Variants in HMGA2 observed in about 807,000 individuals in gnomAD.
HMGA2 encodes the protein high mobility group protein HMGI-C.
Under a neutral mutation model 19.1 loss-of-function variants are expected in HMGA2, and 8 were observed. That is an observed-to-expected ratio of 0.42 (90% CI 0.25 to 0.76). HMGA2 has a LOEUF of 0.76. HMGA2 is among the 30% of genes least tolerant of loss of function. The pLI, the probability that HMGA2 is intolerant of heterozygous loss-of-function variation, is 0.28. For missense variants in HMGA2, 109 were observed against 136.3 expected, an observed-to-expected ratio of 0.80 and a Z score of 1.00; for synonymous variants, 60 against 48.8, an observed-to-expected ratio of 1.23 and a Z score of -0.96.
intron 3 of HMGA2, chr12:65,857,616 C>T (rs79599832): frequency 6.6e-6 from 1 of 152,282 alleles, no homozygotes; most frequent in African/African-American, 2.4e-5. Context: ...TGTGTATAAA[C>T]AGTCTTCCTG....
chr12:65,948,077 A>G (rs981707022), intron 3 of HMGA2, among the ~76,000 whole-genome samples: 4 of 152,118 alleles, frequency 2.6e-5, no homozygotes, highest in Non-Finnish European at 5.9e-5. Flanking sequence ...TTTTGGTTTT[A>G]GAAAAAGATC....
chr12:65,908,656 A>G (rs1474085751), intron 3 of HMGA2, among the ~76,000 whole-genome samples: 3 of 152,146 alleles, frequency 2.0e-5, no homozygotes, highest in Non-Finnish European at 4.4e-5. Context: ...CCTTGAAGGA[A>G]CTTTCATCCT....
rs1372135543 is a variant in HMGA2, at chr12:65,825,687, C to T, written c.111+306C>T. ...CACGGCCCCGAGTGGCGCGGTGTCG[C>T]CCAGTGACTGGAAGCGACCGGGATC... On this transcript the variant is annotated intron_variant, in intron 1 of 4. Coordinates refer to ENST00000403681, the MANE Select transcript of HMGA2 (RefSeq NM_003483.6). The surrounding 1 kb of genome is among the most constrained non-coding windows in gnomAD (Gnocchi z 4.4). 6.6e-6 allele frequency among the ~76,000 whole-genome samples: 1 copy of T among 152,124 alleles called. No individual in the cohort carries two copies. Among genetic ancestry groups the T allele is most frequent in the East Asian group, 1.9e-4 (1 of 5,168 alleles).
chr12:65,962,753 A>AC (rs1876786350), intron 4 of HMGA2, among the ~76,000 whole-genome samples: 1 of 152,204 alleles, frequency 6.6e-6, no homozygotes, highest in South Asian at 2.1e-4. Flanking sequence ...GAATATTAAC[A>AC]GAAGGTGCCT....
At chr12:65,862,744 G>A (rs1872171516) in intron 3 of HMGA2, among the ~76,000 whole-genome samples, 1 of 152,226 alleles carries the variant, frequency 6.6e-6, no homozygotes, top group South Asian at 2.1e-4. Context: ...AGGAGAGGGA[G>A]CTGAGCTGAT....
chr12:65,907,092 T>C (rs963297005), intron 3 of HMGA2, among the ~76,000 whole-genome samples: 2 of 152,086 alleles, frequency 1.3e-5, no homozygotes, highest in East Asian at 1.9e-4. Flanking sequence ...GCATGTGAAC[T>C]GTTAACTTCA....
intron 3 of HMGA2, among the ~76,000 whole-genome samples, chr12:65,885,642 G>A (rs1873625051): frequency 6.6e-6 from 1 of 152,150 alleles, no homozygotes; most frequent in Non-Finnish European, 1.5e-5. Flanking sequence ...TTACTTGGTG[G>A]CAGCAGGATC....
chr12:65,847,395 T>G (rs1259790474), intron 3 of HMGA2, among the ~76,000 whole-genome samples: 1 of 152,220 alleles, frequency 6.6e-6, no homozygotes. Context: ...CTCAATATAA[T>G]TTATGCTTAT....
chr12:65,885,960 C>T (rs1370105092), intron 3 of HMGA2, among the ~76,000 whole-genome samples: 1 of 152,128 alleles, frequency 6.6e-6, no homozygotes, highest in African/African-American at 2.4e-5. Flanking sequence ...ATAAGCCACC[C>T]CCTTGTTTAG....
intron 3 of HMGA2, chr12:65,842,078 G>T: frequency 4.7e-6 from 6 of 1,286,832 alleles, no homozygotes; most frequent in African/African-American, 1.5e-5. Flanking sequence ...GTGTGCGTGT[G>T]TGTGTAGAAG....
At chr12:65,944,048 G>T (rs2121297126) in intron 3 of HMGA2, among the ~76,000 whole-genome samples, 1 of 152,286 alleles carries the variant, frequency 6.6e-6, no homozygotes, top group South Asian at 2.1e-4. Flanking sequence ...AGCTGTAGCT[G>T]AGTCTCATCC....
intron 4 of HMGA2, chr12:65,952,302 A>T: frequency 1.6e-6 from 2 of 1,279,308 alleles, no homozygotes; most frequent in South Asian, 2.6e-5. Context: ...AGTATCCATG[A>T]AATTTTTTTC....
intron 3 of HMGA2, among the ~76,000 whole-genome samples, chr12:65,920,062 C>T (rs1875248123): frequency 6.6e-6 from 1 of 152,170 alleles, no homozygotes; most frequent in Admixed American, 6.5e-5. Context: ...CTGGTAGTCC[C>T]AATATGACTT....
At chr12:65,887,660 T>C (rs1293895788) in intron 3 of HMGA2, among the ~76,000 whole-genome samples, 2 of 152,030 alleles carry the variant, frequency 1.3e-5, no homozygotes, top group Non-Finnish European at 2.9e-5. Context: ...GAGGCAGAGA[T>C]TGCAGTGAGC....
At chr12:65,873,092 T>C (rs755602234) in intron 3 of HMGA2, among the ~76,000 whole-genome samples, 4 of 152,204 alleles carry the variant, frequency 2.6e-5, no homozygotes, top group Non-Finnish European at 5.9e-5. Context: ...ATTATTTCCT[T>C]CCTGTTTGCC....
chr12:65,948,921 G>A (rs988673193), intron 3 of HMGA2, among the ~76,000 whole-genome samples: 1 of 152,282 alleles, frequency 6.6e-6, no homozygotes, highest in African/African-American at 2.4e-5. Context: ...AAAAAGGAGG[G>A]GGATTTCTGA....
chr12:65,864,052 A>G (rs1027379079), intron 3 of HMGA2, among the ~76,000 whole-genome samples: 1 of 152,166 alleles, frequency 6.6e-6, no homozygotes, highest in Non-Finnish European at 1.5e-5. Context: ...ATGTGCAGTA[A>G]ACATTTATGA....
At chr12:65,899,471 T>C (rs1874284560) in intron 3 of HMGA2, among the ~76,000 whole-genome samples, 1 of 152,202 alleles carries the variant, frequency 6.6e-6, no homozygotes, top group South Asian at 2.1e-4. Context: ...ATCTGCCTTG[T>C]GATATGATAA....
intron 2 of HMGA2, among the ~76,000 whole-genome samples, chr12:65,829,691 TTG>T (rs755125909): frequency 6.6e-6 from 1 of 151,998 alleles, no homozygotes; most frequent in Non-Finnish European, 1.5e-5. Flanking sequence ...GGAAAATGAA[TTG>T]TCTCCCATAT....
Sources: allele counts gnomAD v4.1 joint callset (sites outside exome capture counted in the v4.1 genomes callset), GRCh38; gene constraint gnomAD v4.1.1; non-coding constraint Gnocchi (gnomAD v3.1); transcripts MANE v1.5; gene names NCBI Gene and HGNC (gene_info 2026-07-23, HGNC 2026-07-21).